The following AOX1 variants were observed in gnomAD, a reference collection of about 807,000 sequenced individuals.
The protein encoded by AOX1 is aldehyde oxidase 1.
Under a neutral mutation model 169.5 loss-of-function variants are expected in AOX1, and 153 were observed. That is an observed-to-expected ratio of 0.90 (90% CI 0.79 to 1.03). The LOEUF (loss-of-function observed/expected upper bound fraction) is 1.03, where lower values mean the gene tolerates loss of function less well. AOX1 is among the 50% of genes least tolerant of loss of function. The pLI is 0.00. For missense variants in AOX1, 1,656 were observed against 1,663.9 expected, an observed-to-expected ratio of 1.00 and a Z score of 0.08; for synonymous variants, 562 against 581.9, an observed-to-expected ratio of 0.97 and a Z score of 0.49.
At chr2:200,595,189 T>G in intron 2 of AOX1, 83 bp from the exon 3 acceptor site, 20 of 930,194 alleles carry the variant, frequency 2.2e-5, no homozygotes, top group Non-Finnish European at 3.0e-5. Context: ...TAAGAGTCTG[T>G]GATATTACTG....
At chr2:200,624,320 C>T (rs1487150562) in intron 19 of AOX1, among the ~76,000 whole-genome samples, 1 of 152,178 alleles carries the variant, frequency 6.6e-6, no homozygotes, top group Admixed American at 6.5e-5. Flanking sequence ...CCTAATTAAG[C>T]CACTTAGGTC....
At chr2:200,597,344 C>T (rs1468799999) in intron 3 of AOX1, 53 bp from the exon 4 acceptor site, 1 of 1,346,782 alleles carries the variant, frequency 7.4e-7, no homozygotes, top group Non-Finnish European at 1.0e-6. Context: ...TGGCCCCTTT[C>T]CCACTGTATG....
intron 20 of AOX1, among the ~76,000 whole-genome samples, chr2:200,630,516 CAA>C (rs550708859): frequency 8.6e-6 from 1 of 116,342 alleles, no homozygotes; most frequent in South Asian, 2.7e-4. Flanking sequence ...GTGAGACTGT[CAA>C]AAAAAAAAGA....
chr2:200,627,351 A>C lies in AOX1; in HGVS notation c.2125-2A>C. ...TGCCTCATTCCTCTGTTCTCTTTCTAGGAAAGTATACAACACAACTCCTCC... is the reference window on the plus strand; with the variant it reads ...TGCCTCATTCCTCTGTTCTCTTTCTCGGAAAGTATACAACACAACTCCTCC... On this transcript the variant is annotated splice_acceptor_variant, in intron 19 of 34. Transcript: ENST00000374700. LOFTEE classifies it high-confidence loss of function. The C allele has an allele frequency of 6.2e-7, 1 of 1,609,402 alleles. No individual in the cohort carries two copies. The highest frequency in any genetic ancestry group is 8.5e-7 in the Non-Finnish European group (1 of 1,175,996).
At chr2:200,602,453 C>T (rs1186387224) in intron 6 of AOX1, 108 bp downstream of exon 6, 1 of 929,038 alleles carries the variant, frequency 1.1e-6, no homozygotes, top group Non-Finnish European at 1.7e-6. Flanking sequence ...ATGGCTACTT[C>T]TTATCTCCAG....
chr2:200,651,129 T>C lies in AOX1; in HGVS notation c.3003T>C (p.Tyr1001=), dbSNP rs778035950. Residue 1001 remains tyrosine (Y), a synonymous_variant, in exon 26 of 35, where the codon TAT becomes TAC. Transcript: ENST00000374700. ...TGGAAAAGTTCAATGCAGAGAATTA[T>C]TGGAAGAAGAAAGGACTGGCCATGG... ...VAVEKFNAEN[Y]WKKKGLAMVP... The C allele has an allele frequency of 6.2e-7, 1 of 1,614,192 alleles. No homozygotes were observed. Among genetic ancestry groups the C allele is most frequent in the South Asian group, 1.1e-5 (1 of 91,076 alleles).
chr2:200,645,124 G>A (rs755970672), intron 25 of AOX1, among the ~76,000 whole-genome samples: 10 of 151,824 alleles, frequency 6.6e-5, no homozygotes, highest in East Asian at 1.9e-4. Flanking sequence ...TCTTGTTCCC[G>A]TTGAATGCCT....
chr2:200,662,735 C>A, intron 30 of AOX1, 120 bp from the exon 31 acceptor site: 1 of 720,418 alleles, frequency 1.4e-6, no homozygotes, highest in Middle Eastern at 2.7e-4. Flanking sequence ...TAGGTGCTGG[C>A]ACATACATTA....
downstream of AOX1, among the ~76,000 whole-genome samples, chr2:200,680,510 A>G (rs13430167): frequency 0.034 from 5,198 of 151,342 alleles, 226 homozygotes; most frequent in East Asian, 0.23. Flanking sequence ...GGCACACAAC[A>G]GTGTGTGTTT....
chr2:200,665,212 T>C (rs1234307215), intron 31 of AOX1, among the ~76,000 whole-genome samples: 1 of 152,214 alleles, frequency 6.6e-6, no homozygotes, highest in Non-Finnish European at 1.5e-5. Context: ...AGCCCAGCTT[T>C]ATAACCTAAT....
chr2:200,664,978 C>T (rs896941398), intron 31 of AOX1, among the ~76,000 whole-genome samples: 6 of 152,178 alleles, frequency 3.9e-5, no homozygotes, highest in Non-Finnish European at 5.9e-5. Context: ...CAAGGCTCAA[C>T]GGGGACAGGA....
chr2:200,636,850 A>C, intron 21 of AOX1, 61 bp from the exon 22 acceptor site: 1 of 1,544,574 alleles, frequency 6.5e-7, no homozygotes, highest in Non-Finnish European at 8.8e-7. Flanking sequence ...TGACAATGAC[A>C]GTCACAATTA....
At chr2:200,661,693 C>A in intron 30 of AOX1, 62 bp downstream of exon 30, 1 of 1,371,942 alleles carries the variant, frequency 7.3e-7, no homozygotes, top group South Asian at 1.2e-5. Flanking sequence ...GGAAGAGTTT[C>A]AGTTCCCTTG....
intron 25 of AOX1, among the ~76,000 whole-genome samples, chr2:200,649,374 G>T (rs1399736920): frequency 6.6e-6 from 1 of 152,152 alleles, no homozygotes; most frequent in Admixed American, 6.5e-5. Context: ...CAGAATTTCA[G>T]CTTCTCCCGT....
Position 200,637,021 on chromosome 2 carries a change from C to A in AOX1, c.2457C>A (p.Ala819=). ...TGTTAAAAACCGGAATCATTGCAGC[C>A]GTCACTGCATTTGCCGCAAACAAGT... ...GKVLKTGIIA[A]VTAFAANKHG... is the part of the protein sequence containing the mutation. Residue 819 remains alanine (A), a synonymous_variant, in exon 22 of 35, where the codon GCC becomes GCA. Coordinates refer to ENST00000374700, the MANE Select transcript of AOX1 (RefSeq NM_001159.4). The A allele has an allele frequency of 6.2e-7, 1 of 1,614,002 alleles. No homozygotes were observed. The highest frequency in any genetic ancestry group is 8.5e-7 in the Non-Finnish European group (1 of 1,179,972).
chr2:200,677,774 C>T (rs946234758), downstream of AOX1, among the ~76,000 whole-genome samples: 2 of 152,162 alleles, frequency 1.3e-5, no homozygotes, highest in Admixed American at 1.3e-4. Flanking sequence ...TTTTCATTGT[C>T]CTTGACACCG....
At chr2:200,621,295 G>C in intron 18 of AOX1, 49 bp downstream of exon 18, 1 of 1,591,284 alleles carries the variant, frequency 6.3e-7, no homozygotes, top group Non-Finnish European at 8.5e-7. Context: ...TCAGTTAACG[G>C]TGCTTCATAT....
At chr2:200,668,893 T>A in intron 33 of AOX1, 90 bp downstream of exon 33, 1 of 1,128,490 alleles carries the variant, frequency 8.9e-7, no homozygotes, top group Non-Finnish European at 1.3e-6. Context: ...CTGTTTGGGA[T>A]TTTTACCAGG....
chr2:200,631,403 G>A (rs972470898), intron 20 of AOX1, among the ~76,000 whole-genome samples: 2 of 152,186 alleles, frequency 1.3e-5, no homozygotes, highest in Admixed American at 6.5e-5. Context: ...ATTTGCAAGA[G>A]ACCCAGGGAG....
Sources: gnomAD v4.1 joint callset for allele counts (sites outside exome capture counted in the v4.1 genomes callset) on GRCh38, gnomAD v4.1.1 for gene constraint, MANE v1.5 for transcripts, NCBI Gene and HGNC (gene_info 2026-07-23, HGNC 2026-07-21) for gene names.